The following CCDC38 variants were observed in gnomAD, a reference collection of about 807,000 sequenced individuals.
The protein encoded by CCDC38 is coiled-coil domain containing 38, also known as coiled-coil domain-containing protein 38.
A neutral mutation model predicts 72.8 loss-of-function variants in CCDC38; 69 were observed. The ratio of observed to expected loss-of-function variants is 0.95; its 90% CI spans 0.78 to 1.16. The LOEUF is 1.16. CCDC38 is among the 50% of genes most tolerant of loss of function. The probability of loss-of-function intolerance (pLI) is 0.00; values close to 1 mark genes in which losing one functional copy is unlikely to be tolerated. For synonymous variants in CCDC38, 201 were observed against 213.2 expected, an observed-to-expected ratio of 0.94 and a Z score of 0.50; for missense variants, 626 against 638.9, an observed-to-expected ratio of 0.98 and a Z score of 0.22.
At chr12:95,937,606 C>T (rs2080407130) in intron 1 of CCDC38, among the ~76,000 whole-genome samples, 1 of 152,176 alleles carries the variant, frequency 6.6e-6, no homozygotes, top group Non-Finnish European at 1.5e-5. Context: ...CAATGGACAA[C>T]ACATTCTATT....
chr12:95,928,981 GCTGT>G lies in CCDC38; in HGVS notation c.37+7488_37+7491del, dbSNP rs374230864. ...GACATTTAAGTCTGCAGAGGTTACT[GCTGT>G]CTTTTTGTTTGTCTGTGCCCTGCCC... is the stretch of plus-strand genomic sequence containing the variant. On this transcript the variant is annotated intron_variant, in intron 2 of 15. Coordinates refer to ENST00000344280, the MANE Select transcript of CCDC38 (RefSeq NM_182496.3). Among the ~76,000 whole-genome samples, 42 of 152,294 alleles carry G rather than the reference GCTGT, an allele frequency of 2.8e-4. 1 individual carries two copies. The South Asian group carries it at 8.5e-3, about 31-fold the overall frequency.
intron 10 of CCDC38, chr12:95,885,332 G>A (rs1592762168): frequency 6.4e-6 from 1 of 155,432 alleles, no homozygotes; most frequent in African/African-American, 2.4e-5. Flanking sequence ...TTAGGTCACT[G>A]TCTGACTTGC....
At chr12:95,917,434 G>C in intron 3 of CCDC38, 140 bp from the exon 4 acceptor site, 2 of 648,560 alleles carry the variant, frequency 3.1e-6, no homozygotes, top group Non-Finnish European at 5.0e-6. Flanking sequence ...CTCTTTGAAG[G>C]AATGTGTGTT....
rs1412638761 is a variant in CCDC38, at chr12:95,874,376, G to A, written c.1279-1916C>T. Among the ~76,000 whole-genome samples the A allele has an allele frequency of 3.9e-5, 6 of 152,192 alleles. No individual in the cohort carries two copies. The South Asian group carries it at 6.2e-4, about 16-fold the overall frequency. Reference sequence around the variant, plus strand: ...GATGAGCAGGGCAGTGGCTTTTTACGATGTCTTTTCTACACCACCACCCCC... The same window carrying A: ...GATGAGCAGGGCAGTGGCTTTTTACAATGTCTTTTCTACACCACCACCCCC... On this transcript the variant is annotated intron_variant, in intron 13 of 15. Coordinates refer to ENST00000344280, the MANE Select transcript of CCDC38 (RefSeq NM_182496.3).
At position 95,906,264 on chromosome 12, in the gene CCDC38, C is replaced by A. The variant is rs1592781726; in HGVS notation, c.369+123G>T. ...TCAAATTAATGAACACGTGAAAAAA[C>A]CAACCTGTTCAACCAATAGATTTGG... On this transcript the variant is annotated intron_variant, in intron 5 of 15. Transcript: ENST00000344280. 5.8e-6 allele frequency: 4 copies of A among 692,872 alleles called. No individual in the cohort carries two copies. In the East Asian group the frequency reaches 1.1e-4, roughly 19 times the overall value. The allele number at this position is 692,872 out of a possible 1,614,324, so 42.9% of individuals were successfully genotyped here. A position where few individuals can be genotyped will look rare whatever the true frequency, so the allele number is the denominator to read the frequency against.
intron 2 of CCDC38, among the ~76,000 whole-genome samples, chr12:95,921,189 C>T (rs889362417): frequency 5.3e-5 from 8 of 151,802 alleles, no homozygotes; most frequent in Admixed American, 1.3e-4. Context: ...GCATGGACTT[C>T]CTGTTTTTCT....
At position 95,898,198 on chromosome 12, in the gene CCDC38, A is replaced by C. The variant is rs570090133; in HGVS notation, c.614+187T>G. ...TAGAGAGACTTTCCAACCGGAAGCC[A>C]CATACTGTCCTGATACCCAGGCAGG... On this transcript the variant is annotated intron_variant, in intron 7 of 15. Coordinates refer to ENST00000344280, the MANE Select transcript of CCDC38 (RefSeq NM_182496.3). Among the ~76,000 whole-genome samples, 3 of 152,364 alleles carry C rather than the reference A, an allele frequency of 2.0e-5. No homozygotes were observed. The South Asian group carries it at 6.2e-4, about 32-fold the overall frequency.
intron 4 of CCDC38, among the ~76,000 whole-genome samples, chr12:95,909,765 G>A (rs1367033542): frequency 6.6e-6 from 1 of 152,140 alleles, no homozygotes; most frequent in African/African-American, 2.4e-5. Context: ...ATCAATAAAT[G>A]TGATTCACCA....
In CCDC38 at chr12:95,908,679, G is replaced by C. The variant is rs1415496645; in HGVS notation, c.305-2228C>G. On this transcript the variant is annotated intron_variant, in intron 4 of 15. Coordinates refer to ENST00000344280, the MANE Select transcript of CCDC38 (RefSeq NM_182496.3). ...GGGAGGAGAGGGAGAGGGAGAGGGA[G>C]AGGGGGCTGTCAAAATTCTTATCCA... Among the ~76,000 whole-genome samples the C allele has an allele frequency of 2.2e-5, 2 of 91,902 alleles. 1 individual carries two copies. The highest frequency in any genetic ancestry group is 1.2e-4 in the African/African-American group (2 of 16,462). The allele number at this position is 91,902 out of a possible 152,430, so 60.3% of individuals were successfully genotyped here.
chr12:95,879,010 C>A lies in CCDC38; in HGVS notation c.1142+634G>T, dbSNP rs2079668478. 6.6e-6 allele frequency among the ~76,000 whole-genome samples: 1 copy of A among 152,132 alleles called. No individual in the cohort carries two copies. The highest frequency in any genetic ancestry group is 1.5e-5 in the Non-Finnish European group (1 of 68,026). ...CCATCTTCTGGCCCAGAAAACTGTTCTGAGAAAAGGTTCTACACATTTTTG... is the reference window on the plus strand; with the variant it reads ...CCATCTTCTGGCCCAGAAAACTGTTATGAGAAAAGGTTCTACACATTTTTG... On this transcript the variant is annotated intron_variant, in intron 12 of 15. Transcript: ENST00000344280. This position sits in a 1 kb window ranked among gnomAD's most constrained non-coding sequence, Gnocchi z 5.5.
intron 5 of CCDC38, among the ~76,000 whole-genome samples, chr12:95,902,944 G>A (rs962820021): frequency 1.3e-5 from 2 of 152,026 alleles, no homozygotes; most frequent in African/African-American, 4.8e-5. Flanking sequence ...TACTGAGATT[G>A]CATTTATAGA....
intron 10 of CCDC38, among the ~76,000 whole-genome samples, chr12:95,887,757 G>T (rs1301591869): frequency 6.6e-6 from 1 of 152,178 alleles, no homozygotes; most frequent in Admixed American, 6.5e-5. Context: ...TGAGTAAAAG[G>T]TATATGGAGT....
chr12:95,919,586 T>A (rs1015055953), intron 2 of CCDC38: 4 of 455,944 alleles, frequency 8.8e-6, no homozygotes, highest in Non-Finnish European at 1.8e-5. Context: ...TCACAGCTCC[T>A]CTGTCTGTTT....
At chr12:95,917,318 A>C (rs368594951) in intron 3 of CCDC38, 24 bp from the exon 4 acceptor site, 1 of 1,565,560 alleles carries the variant, frequency 6.4e-7, no homozygotes. Context: ...AAAGTTGAAA[A>C]GAATTTTTAA....
Position 95,872,283 on chromosome 12 carries a change from T to C in CCDC38, c.1456A>G (p.Arg486Gly). Residue 486 changes from arginine to glycine, a missense_variant, in exon 14 of 16, where the codon AGG becomes GGG. By Grantham distance (125) the Arg-to-Gly change is moderately radical. Coordinates refer to ENST00000344280, the MANE Select transcript of CCDC38 (RefSeq NM_182496.3). ...TGCCGCCATTCTTTCTGTTTCATCC[T>C]CTCAATTGCCTCCACATTTTCTTTG... ...IPKENVEAIE[R>G]MKQKEWRQKF... 1.2e-6 allele frequency: 2 copies of C among 1,614,198 alleles called. No homozygotes were observed. The highest frequency in any genetic ancestry group is 1.1e-5 in the South Asian group (1 of 91,082).
At position 95,895,148 on chromosome 12, in the gene CCDC38, T is replaced by C; in HGVS notation, c.615-2A>G. 4 of 1,597,550 alleles carry C rather than the reference T, an allele frequency of 2.5e-6. No individual in the cohort carries two copies. Among genetic ancestry groups the C allele is most frequent in the Non-Finnish European group, 3.4e-6 (4 of 1,174,586 alleles). On this transcript the variant is annotated splice_acceptor_variant, in intron 7 of 15. Coordinates refer to ENST00000344280, the MANE Select transcript of CCDC38 (RefSeq NM_182496.3). LOFTEE classifies it high-confidence loss of function. ...AGGAATTCTGTTTTTGCTATTTCAC[T>C]ACTCAAAAGAAACAAAGATATGATT...
At position 95,879,247 on chromosome 12, in the gene CCDC38, T is replaced by A. The variant is rs1018782539; in HGVS notation, c.1142+397A>T. On this transcript the variant is annotated intron_variant, in intron 12 of 15. Transcript: ENST00000344280. The surrounding 1 kb of genome is among the most constrained non-coding windows in gnomAD (Gnocchi z 5.5). ...ATCACAAAAATTATTTTTCTGAGAG[T>A]CACAGCCAATGAAAATACATTTGTT... Among the ~76,000 whole-genome samples, 2 of 152,066 alleles carry A rather than the reference T, an allele frequency of 1.3e-5. No individual in the cohort carries two copies. Among genetic ancestry groups the A allele is most frequent in the Non-Finnish European group, 2.9e-5 (2 of 68,010 alleles).
intron 14 of CCDC38, chr12:95,869,906 C>A: frequency 4.9e-6 from 1 of 205,302 alleles, no homozygotes. Flanking sequence ...TCACTGCAAC[C>A]TCTACCTCCT....
At chr12:95,908,322 C>G (rs2080036761) in intron 4 of CCDC38, among the ~76,000 whole-genome samples, 1 of 150,020 alleles carries the variant, frequency 6.7e-6, no homozygotes, top group Non-Finnish European at 1.5e-5. Context: ...ACCAGTCAGG[C>G]GTGGCGGCGC....
Sources: gnomAD v4.1 joint callset for allele counts (sites outside exome capture counted in the v4.1 genomes callset) on GRCh38, gnomAD v4.1.1 for gene constraint, Gnocchi (gnomAD v3.1) non-coding constraint, MANE v1.5 for transcripts, NCBI Gene and HGNC (gene_info 2026-07-23, HGNC 2026-07-21) for gene names.